The following ELL variants were observed in gnomAD, a reference collection of about 807,000 sequenced individuals.
ELL encodes elongation factor for RNA polymerase II, also known as RNA polymerase II elongation factor ELL.
Under a neutral mutation model 64.0 loss-of-function variants are expected in ELL, and 18 were observed. The ratio of observed to expected loss-of-function variants is 0.28; its 90% CI spans 0.19 to 0.42. The LOEUF (loss-of-function observed/expected upper bound fraction) is 0.42, where lower values mean the gene tolerates loss of function less well. Ranked by LOEUF, ELL falls within the 10% of genes least tolerant of loss-of-function variation. ELL has a pLI of 1.00. For missense variants in ELL, 797 were observed against 870.4 expected, an observed-to-expected ratio of 0.92 and a Z score of 1.06; for synonymous variants, 399 against 376.2, an observed-to-expected ratio of 1.06 and a Z score of -0.70.
intron 10 of ELL, 152 bp from the exon 11 acceptor site, chr19:18,445,420 G>C (rs1184204072): frequency 1.3e-6 from 1 of 797,876 alleles, no homozygotes; most frequent in African/African-American, 1.7e-5. Context: ...GCCCACAGCG[G>C]CTGTAGCTCC....
At chr19:18,517,833 G>A (rs888640557) in intron 1 of ELL, among the ~76,000 whole-genome samples, 3 of 149,858 alleles carry the variant, frequency 2.0e-5, no homozygotes, top group Non-Finnish European at 4.4e-5. Flanking sequence ...GCCGCAGTGA[G>A]CTATGATCAC....
intron 1 of ELL, among the ~76,000 whole-genome samples, chr19:18,495,232 C>T (rs1170477107): frequency 2.0e-5 from 3 of 152,110 alleles, no homozygotes; most frequent in Non-Finnish European, 4.4e-5. Flanking sequence ...CCCCAGGAGA[C>T]TGCAGGCCTT....
In ELL at chr19:18,444,370, T is replaced by G. The variant is rs1974364304; in HGVS notation, c.*382A>C. 4.0e-6 allele frequency: 1 copy of G among 252,706 alleles called. No homozygotes were observed. The highest frequency in any genetic ancestry group is 7.7e-6 in the Non-Finnish European group (1 of 130,478). 15.7% of individuals were successfully genotyped at this position (252,706 alleles called of 1,614,324 possible). On this transcript the variant is annotated 3_prime_UTR_variant, in exon 12 of 12. Transcript: ENST00000262809. ...GAAAAAAGATTTTGCTTCTCTTTTG[T>G]ACAAAAATAGACTCAAGTCTCATTA... is the stretch of plus-strand genomic sequence containing the variant.
rs756763795 is a variant in ELL, at chr19:18,446,414, G to A, written c.1599C>T (p.Tyr533=). Residue 533 remains tyrosine (Y), a synonymous_variant, in exon 10 of 12, where the codon TAC becomes TAT. Coordinates refer to ENST00000262809, the MANE Select transcript of ELL (RefSeq NM_006532.4). ...QSYKNDFNAE[Y]SEYRDLHARI... ...GGGCGTGCAGGTCGCGGTACTCGCT[G>A]TACTCGGCATTGAAGTCGTTCTTGT... 1.2e-6 allele frequency: 2 copies of A among 1,612,788 alleles called. No individual in the cohort carries two copies. The highest frequency in any genetic ancestry group is 4.5e-5 in the East Asian group (2 of 44,880).
In ELL at chr19:18,461,563, C is replaced by T. The variant is rs769074728; in HGVS notation, c.744+15G>A. ...GAGACCACTGGTAAAGACAAGACAT[C>T]GGGGCGGCACCCACCTGCTGGAGGA... On this transcript the variant is annotated intron_variant, in intron 5 of 11. Transcript: ENST00000262809. 26 of 1,584,192 alleles carry T rather than the reference C, an allele frequency of 1.6e-5. No homozygotes were observed. In the East Asian group the frequency reaches 3.6e-4, roughly 22 times the overall value.
At chr19:18,472,673 C>T (rs1975088760) in intron 2 of ELL, 162 bp downstream of exon 2, 1 of 841,864 alleles carries the variant, frequency 1.2e-6, no homozygotes, top group Non-Finnish European at 1.8e-6. Context: ...GGTGTGGCCC[C>T]AGCCAAGGGG....
At chr19:18,453,976 C>G (rs958442625) in intron 6 of ELL, among the ~76,000 whole-genome samples, 1 of 152,156 alleles carries the variant, frequency 6.6e-6, no homozygotes, top group African/African-American at 2.4e-5. Flanking sequence ...TCAATAGAGA[C>G]AGAAAGCAGA....
chr19:18,461,478 G>C, intron 5 of ELL, 100 bp downstream of exon 5: 3 of 1,508,298 alleles, frequency 2.0e-6, no homozygotes, highest in Non-Finnish European at 2.7e-6. Flanking sequence ...GCTCTTCCTT[G>C]CCAGTCCCAA....
chr19:18,467,080 TGGG>T (rs1402394039), intron 2 of ELL, among the ~76,000 whole-genome samples: 1 of 152,168 alleles, frequency 6.6e-6, no homozygotes, highest in Non-Finnish European at 1.5e-5. Context: ...ACTTGTCCCC[TGGG>T]GTAGTGTTTG....
chr19:18,480,217 GCCC>G (rs571874091), intron 1 of ELL, among the ~76,000 whole-genome samples: 3 of 152,130 alleles, frequency 2.0e-5, no homozygotes, highest in Non-Finnish European at 4.4e-5. Context: ...CCCACAACAG[GCCC>G]CCCCTTTCCA....
chr19:18,473,857 G>A (rs1240984598), intron 1 of ELL, among the ~76,000 whole-genome samples: 3 of 151,908 alleles, frequency 2.0e-5, no homozygotes, highest in Non-Finnish European at 4.4e-5. Flanking sequence ...CCACTGAGAT[G>A]CCCTCCCACC....
At position 18,444,559 on chromosome 19, in the gene ELL, T is replaced by C. The variant is rs1178429489; in HGVS notation, c.*193A>G. 1 of 567,662 alleles carries C rather than the reference T, an allele frequency of 1.8e-6. No homozygotes were observed. The highest frequency in any genetic ancestry group is 1.9e-5 in the African/African-American group (1 of 52,686). The allele number at this position is 567,662 out of a possible 1,614,324, so 35.2% of individuals were successfully genotyped here. On this transcript the variant is annotated 3_prime_UTR_variant, in exon 12 of 12. Transcript: ENST00000262809. ...GGAGCCCATCATAAGCAGGGACTGCTCAGGAAGCGCAGGGAGGGCCGAGGT... is the reference window on the plus strand; with the variant it reads ...GGAGCCCATCATAAGCAGGGACTGCCCAGGAAGCGCAGGGAGGGCCGAGGT...
intron 8 of ELL, 61 bp from the exon 9 acceptor site, chr19:18,446,875 C>T (rs1358704653): frequency 2.0e-5 from 32 of 1,563,530 alleles, no homozygotes; most frequent in African/African-American, 2.7e-5. Flanking sequence ...GCAGGAAGCA[C>T]GCCAGGATGG....
chr19:18,509,598 TAC>T (rs1183127480), intron 1 of ELL, among the ~76,000 whole-genome samples: 5,182 of 81,658 alleles, frequency 0.063, 156 homozygotes, highest in Non-Finnish European at 0.076. Context: ...CGCGCGCACA[TAC>T]ACACACACAC....
chr19:18,460,656 C>T (rs568025852), intron 5 of ELL, among the ~76,000 whole-genome samples: 1 of 152,206 alleles, frequency 6.6e-6, no homozygotes, highest in African/African-American at 2.4e-5. Flanking sequence ...TGAGGAGCTC[C>T]GTAAACATGG....
chr19:18,472,652 C>G (rs968453073), intron 2 of ELL, 183 bp downstream of exon 2: 3 of 677,834 alleles, frequency 4.4e-6, no homozygotes, highest in Non-Finnish European at 7.4e-6. Context: ...GACGTGCACC[C>G]GACACGTCCT....
intron 1 of ELL, among the ~76,000 whole-genome samples, chr19:18,488,442 T>C (rs932687621): frequency 5.3e-5 from 8 of 152,206 alleles, no homozygotes; most frequent in Non-Finnish European, 1.2e-4. Flanking sequence ...GCAGGGCATG[T>C]GCTGGCCAGG....
chr19:18,465,956 C>G (rs770487849), intron 2 of ELL, 38 bp from the exon 3 acceptor site: 1 of 1,272,296 alleles, frequency 7.9e-7, no homozygotes, highest in South Asian at 3.5e-5. Flanking sequence ...GGGAGGTCCT[C>G]GGCAGGACAG....
chr19:18,461,927 C>A, intron 4 of ELL, 75 bp from the exon 5 acceptor site: 1 of 1,542,012 alleles, frequency 6.5e-7, no homozygotes, highest in South Asian at 1.2e-5. Context: ...TGACCAGGTG[C>A]CCAGAGGTTT....
Sources: gnomAD v4.1 joint callset for allele counts (sites outside exome capture counted in the v4.1 genomes callset) on GRCh38, gnomAD v4.1.1 for gene constraint, MANE v1.5 for transcripts, NCBI Gene and HGNC (gene_info 2026-07-23, HGNC 2026-07-21) for gene names.